Variants in SHISA9 observed in about 807,000 individuals in gnomAD.
SHISA9 encodes the protein shisa family member 9.
Under a neutral mutation model 38.0 loss-of-function variants are expected in SHISA9, and 13 were observed. That is an observed-to-expected ratio of 0.34 (90% CI 0.22 to 0.54). The LOEUF is 0.54. Among genes scored for constraint, SHISA9 ranks in the 20% least tolerant of loss-of-function variants. SHISA9 has a pLI of 0.91. For missense variants in SHISA9, 538 were observed against 575.8 expected (o/e 0.93, Z 0.67); for synonymous variants, 275 against 242.0 (o/e 1.14, Z -1.27).
At chr16:13,491,818 CTTTTTTTTTTTTTTTTTTTTTTTT>C in the SHISA9 span, among the ~76,000 whole-genome samples, 13 of 44,554 alleles carry the variant, frequency 2.9e-4, no homozygotes, top group South Asian at 4.5e-3. Context: ...ATTTATTGAC[CTTTTTTTTTTTTTTTTTTTTTTTT>C]TTTTTTTTTT....
the SHISA9 span, among the ~76,000 whole-genome samples, chr16:13,278,061 A>G: frequency 3.3e-5 from 5 of 152,122 alleles, no homozygotes; most frequent in African/African-American, 1.2e-4. Context: ...TTTGTCATAG[A>G]TGGCTTTTAT....
chr16:12,934,342 C>A (rs573964643), intron 2 of SHISA9, among the ~76,000 whole-genome samples: 7 of 152,290 alleles, frequency 4.6e-5, no homozygotes, highest in Non-Finnish European at 8.8e-5. Context: ...CCAGTGGATG[C>A]TCCATTGAAC....
chr16:12,967,202 A>G (rs2071991151), intron 2 of SHISA9, among the ~76,000 whole-genome samples: 1 of 151,868 alleles, frequency 6.6e-6, no homozygotes, highest in Admixed American at 6.5e-5. Flanking sequence ...AATGTGGCAC[A>G]TATACGCCAT....
At chr16:13,164,638 A>G (rs1396350364) in intron 2 of SHISA9, among the ~76,000 whole-genome samples, 3 of 152,166 alleles carry the variant, frequency 2.0e-5, no homozygotes, top group Non-Finnish European at 4.4e-5. Context: ...GCTATAAATT[A>G]GCCTCTAGGT....
chr16:13,386,345 C>T, the SHISA9 span, among the ~76,000 whole-genome samples: 1 of 152,136 alleles, frequency 6.6e-6, no homozygotes, highest in African/African-American at 2.4e-5. Flanking sequence ...TCTCCTCCAC[C>T]TCACCCTGGA....
At chr16:13,218,427 T>G (rs1476975592) in intron 4 of SHISA9, among the ~76,000 whole-genome samples, 1 of 152,224 alleles carries the variant, frequency 6.6e-6, no homozygotes, top group African/African-American at 2.4e-5. Flanking sequence ...CATACCGGCG[T>G]TCTTCCCAAT....
the SHISA9 span, among the ~76,000 whole-genome samples, chr16:13,287,224 T>C: frequency 6.6e-6 from 1 of 152,172 alleles, no homozygotes; most frequent in Non-Finnish European, 1.5e-5. Context: ...TACAGGTTCA[T>C]TGATGGAGAA....
At chr16:13,203,262 C>T in intron 2 of SHISA9, 132 bp from the exon 3 acceptor site, 2 of 765,314 alleles carry the variant, frequency 2.6e-6, no homozygotes, top group Non-Finnish European at 3.8e-6. Flanking sequence ...TATCTGTGAA[C>T]CCTCTGCTGT....
At chr16:13,510,190 C>G in the SHISA9 span, among the ~76,000 whole-genome samples, 1 of 152,102 alleles carries the variant, frequency 6.6e-6, no homozygotes, top group African/African-American at 2.4e-5. Flanking sequence ...CACCTGTAAT[C>G]CCAGCTACAC....
the SHISA9 span, chr16:13,331,744 A>G: frequency 2.0e-5 from 3 of 152,138 alleles, no homozygotes; most frequent in Non-Finnish European, 2.9e-5. Flanking sequence ...TCTGATTCCA[A>G]TGCCACCATT....
At chr16:13,056,677 A>G (rs1366913767) in intron 2 of SHISA9, among the ~76,000 whole-genome samples, 1 of 152,200 alleles carries the variant, frequency 6.6e-6, no homozygotes, top group Non-Finnish European at 1.5e-5. Flanking sequence ...TCTGTACCTC[A>G]GTTTCCTTTC....
At chr16:13,346,380 C>T in the SHISA9 span, among the ~76,000 whole-genome samples, 2 of 152,176 alleles carry the variant, frequency 1.3e-5, no homozygotes, top group Admixed American at 1.3e-4. Flanking sequence ...TCAGGCAAAA[C>T]TGGGTTTCCT....
At chr16:13,055,954 C>G (rs2073305068) in intron 2 of SHISA9, among the ~76,000 whole-genome samples, 1 of 152,218 alleles carries the variant, frequency 6.6e-6, no homozygotes, top group African/African-American at 2.4e-5. Context: ...GATGCACAGA[C>G]TGTTGCTGAT....
intron 4 of SHISA9, among the ~76,000 whole-genome samples, chr16:13,216,280 T>C (rs1208181979): frequency 6.6e-6 from 1 of 151,998 alleles, no homozygotes; most frequent in African/African-American, 2.4e-5. Flanking sequence ...CATCATTTGC[T>C]AGTCTTGTTG....
chr16:13,189,702 G>C (rs2050864012), intron 2 of SHISA9, among the ~76,000 whole-genome samples: 1 of 152,156 alleles, frequency 6.6e-6, no homozygotes, highest in African/African-American at 2.4e-5. Context: ...AGTTAGTTTG[G>C]GGAAAACATA....
At chr16:13,498,209 CA>C in the SHISA9 span, among the ~76,000 whole-genome samples, 19 of 151,872 alleles carry the variant, frequency 1.3e-4, no homozygotes, top group African/African-American at 4.3e-4. Flanking sequence ...AAATTGATAC[CA>C]AAAAAATCAG....
chr16:13,007,060 A>G lies in SHISA9; in HGVS notation c.691+90245A>G, dbSNP rs951887594. ...TTGTTAAATGAATAATTCCATAGAT[A>G]TCTATGGATTCTATTCATGTGCCAG... On this transcript the variant is annotated intron_variant, in intron 2 of 4. Coordinates refer to ENST00000558583, the MANE Select transcript of SHISA9 (RefSeq NM_001145204.3). Among the ~76,000 whole-genome samples the G allele has an allele frequency of 1.3e-5, 2 of 152,160 alleles. 1 individual carries two copies. Among genetic ancestry groups the G allele is most frequent in the South Asian group, 4.1e-4 (2 of 4,824 alleles).
the SHISA9 span, among the ~76,000 whole-genome samples, chr16:13,429,798 T>A: frequency 6.6e-6 from 1 of 152,232 alleles, no homozygotes; most frequent in Non-Finnish European, 1.5e-5. Flanking sequence ...GCAGATGATG[T>A]ATCAGCATAT....
At chr16:13,550,732 C>T in the SHISA9 span, among the ~76,000 whole-genome samples, 1 of 152,220 alleles carries the variant, frequency 6.6e-6, no homozygotes, top group African/African-American at 2.4e-5. Context: ...GGAGGAGGAA[C>T]AAGTGACTAA....
Sources: gnomAD v4.1 joint callset for allele counts (sites outside exome capture counted in the v4.1 genomes callset) on GRCh38, gnomAD v4.1.1 for gene constraint, MANE v1.5 for transcripts, NCBI Gene and HGNC (gene_info 2026-07-23, HGNC 2026-07-21) for gene names.